SLC66A1: variants seen among roughly 807,000 people sequenced by gnomAD.
SLC66A1 encodes solute carrier family 66 member 1.
Under a neutral mutation model 33.0 loss-of-function variants are expected in SLC66A1, and 23 were observed. The ratio of observed to expected loss-of-function variants is 0.70; its 90% CI spans 0.50 to 0.99. The LOEUF (loss-of-function observed/expected upper bound fraction) is 0.99, where lower values mean the gene tolerates loss of function less well. Among genes scored for constraint, SLC66A1 ranks in the 50% least tolerant of loss-of-function variants. The pLI, the probability that SLC66A1 is intolerant of heterozygous loss-of-function variation, is 0.00. For missense variants in SLC66A1, 335 were observed against 383.6 expected (o/e 0.87, Z 1.06); for synonymous variants, 164 against 175.5 (o/e 0.93, Z 0.52).
downstream of SLC66A1, among the ~76,000 whole-genome samples, chr1:19,331,114 C>T (rs970708397): frequency 6.6e-6 from 1 of 152,168 alleles, no homozygotes; most frequent in East Asian, 1.9e-4. Flanking sequence ...CGGGTTCGAG[C>T]GATTCTCCTG....
chr1:19,315,898 C>T (rs2093802653), intron 1 of SLC66A1, among the ~76,000 whole-genome samples: 1 of 152,198 alleles, frequency 6.6e-6, no homozygotes, highest in African/African-American at 2.4e-5. Context: ...ATCACTTCCG[C>T]ACTCTGGCTC....
Position 19,326,540 on chromosome 1 carries a change from C to G in SLC66A1, c.535C>G (p.Arg179Gly), listed in dbSNP as rs747371821. The change falls in exon 6 of 8, where the codon CGG (arginine) becomes GGG (glycine). Residue 179 changes from arginine (R) to glycine (G), a missense_variant. By Grantham distance (125) the Arg-to-Gly change is moderately radical. Coordinates refer to ENST00000375153, the MANE Select transcript of SLC66A1 (RefSeq NM_001040125.2). The stretch of plus-strand genomic sequence containing the variant: ...CCCTTCTGCCCCACAGCCCTTCACC[C>G]GGCAGGAAGTCATTGGCTTCGTCAT... ...SVESGSKPFTRQEVIGFVIGS... is the reference protein window; with the variant it reads ...SVESGSKPFTGQEVIGFVIGS... 1.9e-6 allele frequency: 3 copies of G among 1,614,248 alleles called. No individual in the cohort carries two copies. The highest frequency in any genetic ancestry group is 2.5e-6 in the Non-Finnish European group (3 of 1,180,042).
chr1:19,328,510 GC>G lies in SLC66A1; in HGVS notation c.805-57del. The G allele has an allele frequency of 9.3e-6, 14 of 1,507,598 alleles. No homozygotes were observed. The South Asian group carries it at 1.7e-4, about 18-fold the overall frequency. The allele number at this position is 1,507,598 out of a possible 1,614,324, so 93.4% of individuals were successfully genotyped here. A position where few individuals can be genotyped will look rare whatever the true frequency, so the allele number is the denominator to read the frequency against. ...GGGAGGCAGCTCCCAGGAGTCGAAG[GC>G]CCCCAGGGGCAGGTCCAACCCAGTC... is the stretch of plus-strand genomic sequence containing the variant. On this transcript the variant is annotated intron_variant, in intron 7 of 7. Transcript: ENST00000375153. The surrounding 1 kb of genome is among the most constrained non-coding windows in gnomAD (Gnocchi z 4.7).
chr1:19,320,561 C>G (rs1321455137), intron 2 of SLC66A1, among the ~76,000 whole-genome samples: 3 of 151,442 alleles, frequency 2.0e-5, no homozygotes, highest in East Asian at 1.9e-4. Flanking sequence ...CTACAGGCAC[C>G]TGCCACCACG....
Position 19,328,462 on chromosome 1 carries a change from G to A in SLC66A1, c.805-110G>A, listed in dbSNP as rs938674303. On this transcript the variant is annotated intron_variant, in intron 7 of 7. Coordinates refer to ENST00000375153, the MANE Select transcript of SLC66A1 (RefSeq NM_001040125.2). This position sits in a 1 kb window ranked among gnomAD's most constrained non-coding sequence, Gnocchi z 4.7. ...ATGGCTGGCCCTTCCCACCTGCAGC[G>A]TGGGGGTGGGAGGGAGGGGAGAGGG... 30 of 993,200 alleles carry A rather than the reference G, an allele frequency of 3.0e-5. No individual in the cohort carries two copies. Among genetic ancestry groups the A allele is most frequent in the East Asian group, 2.6e-4 (10 of 38,456 alleles). The allele number at this position is 993,200 out of a possible 1,614,324, so 61.5% of individuals were successfully genotyped here.
Position 19,327,278 on chromosome 1 carries a change from A to T in SLC66A1, c.670A>T (p.Met224Leu). ...GISYSLFALV[M>L]LGNTLYGLSV... is the part of the protein sequence containing the mutation. ...CTCCTACTCTCTGTTCGCGCTGGTGATGCTGGGGAACACGCTGTATGGGCT... is the reference window on the plus strand; with the variant it reads ...CTCCTACTCTCTGTTCGCGCTGGTGTTGCTGGGGAACACGCTGTATGGGCT... Residue 224 changes from methionine (M) to leucine (L), a missense_variant, in exon 7 of 8, where the codon ATG becomes TTG. Coordinates refer to ENST00000375153, the MANE Select transcript of SLC66A1 (RefSeq NM_001040125.2). 1 of 1,613,908 alleles carries T rather than the reference A, an allele frequency of 6.2e-7. No homozygotes were observed. Among genetic ancestry groups the T allele is most frequent in the Non-Finnish European group, 8.5e-7 (1 of 1,179,936 alleles).
At chr1:19,320,820 C>T (rs2093833117) in intron 2 of SLC66A1, among the ~76,000 whole-genome samples, 1 of 149,780 alleles carries the variant, frequency 6.7e-6, no homozygotes, top group Non-Finnish European at 1.5e-5. Context: ...TCAAGCGATT[C>T]TCCTGCCTCA....
chr1:19,331,000 T>G (rs2093890826), downstream of SLC66A1, among the ~76,000 whole-genome samples: 1 of 152,098 alleles, frequency 6.6e-6, no homozygotes, highest in Non-Finnish European at 1.5e-5. Flanking sequence ...CACAGCCAGC[T>G]CTGAGATGGG....
chr1:19,327,493 G>C, intron 7 of SLC66A1, 81 bp downstream of exon 7: 2 of 1,464,366 alleles, frequency 1.4e-6, no homozygotes. Flanking sequence ...GCACTCATCC[G>C]TCTCTTCCTC....
intron 2 of SLC66A1, among the ~76,000 whole-genome samples, chr1:19,320,623 G>A (rs1008952815): frequency 2.0e-5 from 3 of 151,660 alleles, no homozygotes; most frequent in Non-Finnish European, 4.4e-5. Flanking sequence ...CACCGTGTTA[G>A]CCAGGATGGT....
chr1:19,331,565 T>G (rs2093892569), downstream of SLC66A1, among the ~76,000 whole-genome samples: 1 of 152,158 alleles, frequency 6.6e-6, no homozygotes, highest in African/African-American at 2.4e-5. Context: ...CCATCCTGAA[T>G]AGCGACTTTG....
rs764945198 is a variant in SLC66A1 at position 19,324,746 on chromosome 1, A to G, written c.278A>G (p.Asp93Gly). 3 of 1,614,100 alleles carry G rather than the reference A, an allele frequency of 1.9e-6. No individual in the cohort carries two copies. The South Asian group carries it at 3.3e-5, about 18-fold the overall frequency. The change falls in exon 3 of 8, where the codon GAC (aspartate) becomes GGC (glycine). Residue 93 changes from aspartate (D) to glycine (G), a missense_variant. By Grantham distance (94) the Asp-to-Gly change is moderately conservative. Coordinates refer to ENST00000375153, the MANE Select transcript of SLC66A1 (RefSeq NM_001040125.2). ...SCNLIGSFLA[D>G]QLPLQTYTAV... ...AACCTCATCGGCTCCTTCCTTGCTG[A>G]CCAGCTGCCCCTGCAGGTGGGCCGG...
chr1:19,322,828 G>T (rs1362540787), intron 2 of SLC66A1, among the ~76,000 whole-genome samples: 1 of 152,162 alleles, frequency 6.6e-6, no homozygotes, highest in East Asian at 1.9e-4. Flanking sequence ...GCACTGGAAG[G>T]CTCTGGCAGT....
intron 2 of SLC66A1, 84 bp downstream of exon 2, chr1:19,317,925 C>G: frequency 6.5e-7 from 1 of 1,543,010 alleles, no homozygotes; most frequent in Non-Finnish European, 8.8e-7. Flanking sequence ...GAGGGGTTGT[C>G]TGGTGGGCCA....
chr1:19,320,807 G>T (rs974498560), intron 2 of SLC66A1, among the ~76,000 whole-genome samples: 1 of 149,004 alleles, frequency 6.7e-6, no homozygotes, highest in Non-Finnish European at 1.5e-5. Flanking sequence ...CTGCCTCCCG[G>T]GTTCAAGCGA....
Position 19,318,955 on chromosome 1 carries a change from T to C in SLC66A1, c.164+1114T>C, listed in dbSNP as rs574813511. On this transcript the variant is annotated intron_variant, in intron 2 of 7. Coordinates refer to ENST00000375153, the MANE Select transcript of SLC66A1 (RefSeq NM_001040125.2). The stretch of plus-strand genomic sequence containing the variant: ...AGCAGATGTACAGAGAAGGGGCAGC[T>C]GCGTTTATATAGTGGACAGAGTGTG... 3.9e-5 allele frequency among the ~76,000 whole-genome samples: 6 copies of C among 152,200 alleles called. No homozygotes were observed. In the East Asian group the frequency reaches 9.7e-4, roughly 25 times the overall value.
chr1:19,327,154 CAT>C, intron 6 of SLC66A1, 71 bp from the exon 7 acceptor site: 1 of 1,405,920 alleles, frequency 7.1e-7, no homozygotes, highest in South Asian at 1.3e-5. Context: ...GGCAGGTGGA[CAT>C]GTGGACAGTT....
Position 19,324,642 on chromosome 1 carries a change from C to G in SLC66A1, c.174C>G (p.Ile58Met). 6.2e-7 allele frequency: 1 copy of G among 1,614,198 alleles called. No homozygotes were observed. The highest frequency in any genetic ancestry group is 8.5e-7 in the Non-Finnish European group (1 of 1,179,986). Reference sequence around the variant, plus strand: ...TCTTCCTCTTCCACAGCCAGTTCATCAAAGCCTACAAGACGGGCAACATGG... The same window carrying G: ...TCTTCCTCTTCCACAGCCAGTTCATGAAAGCCTACAAGACGGGCAACATGG... The part of the protein sequence containing the change: ...CFAASTFPQF[I>M]KAYKTGNMDQ... Residue 58 changes from isoleucine to methionine, a missense_variant, in exon 3 of 8, where the codon ATC becomes ATG. Ile to Met is a conservative substitution (Grantham distance 10, BLOSUM62 1). Transcript: ENST00000375153.
intron 2 of SLC66A1, among the ~76,000 whole-genome samples, chr1:19,321,986 G>A (rs1334199764): frequency 6.6e-6 from 1 of 152,200 alleles, no homozygotes; most frequent in African/African-American, 2.4e-5. Context: ...TGCCTGTTGG[G>A]TGTGGTGCAA....
Sources: gnomAD v4.1 joint callset for allele counts (sites outside exome capture counted in the v4.1 genomes callset) on GRCh38, gnomAD v4.1.1 for gene constraint, Gnocchi (gnomAD v3.1) non-coding constraint, MANE v1.5 for transcripts, NCBI Gene and HGNC (gene_info 2026-07-23, HGNC 2026-07-21) for gene names.